The following PDE4B variants were observed in gnomAD, a reference collection of about 807,000 sequenced individuals.
The protein encoded by PDE4B is 3',5'-cyclic-AMP phosphodiesterase 4B.
A neutral mutation model predicts 82.2 loss-of-function variants in PDE4B; 20 were observed. The observed-to-expected ratio is 0.24, with a 90% CI of 0.17 to 0.35. PDE4B has a LOEUF of 0.35. Among genes scored for constraint, PDE4B ranks in the 10% least tolerant of loss-of-function variants. The pLI is 1.00. For missense variants in PDE4B, 655 were observed against 907.2 expected (o/e 0.72, Z 3.57); for synonymous variants, 320 against 318.9 (o/e 1.00, Z -0.04).
chr1:66,364,715 G>A (rs370137468), intron 12 of PDE4B, among the ~76,000 whole-genome samples: 1 of 152,206 alleles, frequency 6.6e-6, no homozygotes, highest in Admixed American at 6.6e-5. Flanking sequence ...AAAGAGTACT[G>A]TTTTTATACC....
intron 3 of PDE4B, among the ~76,000 whole-genome samples, chr1:66,068,664 T>A (rs1163774575): frequency 6.6e-6 from 1 of 151,990 alleles, no homozygotes; most frequent in Non-Finnish European, 1.5e-5. Flanking sequence ...TCTTCTCATT[T>A]AAATATAATC....
intron 3 of PDE4B, among the ~76,000 whole-genome samples, chr1:66,014,768 G>A (rs1652678740): frequency 6.6e-6 from 1 of 152,104 alleles, no homozygotes; most frequent in South Asian, 2.1e-4. Flanking sequence ...GTGGGAGTGG[G>A]GGTAGCAGTT....
chr1:66,106,076 T>A (rs1382109829), intron 3 of PDE4B, among the ~76,000 whole-genome samples: 1 of 152,002 alleles, frequency 6.6e-6, no homozygotes, highest in African/African-American at 2.4e-5. Flanking sequence ...GGCTGTGGGT[T>A]TGTCATAGAT....
chr1:66,022,735 C>T (rs141602775), intron 3 of PDE4B, among the ~76,000 whole-genome samples: 5,861 of 152,148 alleles, frequency 0.039, 480 homozygotes, highest in East Asian at 0.36. Context: ...ATTTTTGCAT[C>T]GATGTTCATC....
At chr1:65,969,244 C>G (rs1420807412) in intron 3 of PDE4B, among the ~76,000 whole-genome samples, 1 of 152,164 alleles carries the variant, frequency 6.6e-6, no homozygotes, top group Admixed American at 6.5e-5. Flanking sequence ...CCGCCACCAT[C>G]TCAAACATTT....
At chr1:65,958,159 T>G (rs1649351819) in intron 3 of PDE4B, among the ~76,000 whole-genome samples, 1 of 152,126 alleles carries the variant, frequency 6.6e-6, no homozygotes, top group Non-Finnish European at 1.5e-5. Context: ...GCTTTTTGCG[T>G]TCTTAGCTTT....
At chr1:65,937,215 T>C (rs921080525) in intron 3 of PDE4B, among the ~76,000 whole-genome samples, 6 of 152,172 alleles carry the variant, frequency 3.9e-5, no homozygotes, top group Non-Finnish European at 8.8e-5. Flanking sequence ...ATCTATTAAC[T>C]TAGGTGTGAT....
chr1:65,898,347 G>C (rs1222811564), intron 1 of PDE4B, among the ~76,000 whole-genome samples: 1 of 151,990 alleles, frequency 6.6e-6, no homozygotes, highest in Non-Finnish European at 1.5e-5. Context: ...GGTCACACTT[G>C]TCAAATTTTG....
At chr1:65,983,746 C>A (rs1475985285) in intron 3 of PDE4B, among the ~76,000 whole-genome samples, 1 of 150,988 alleles carries the variant, frequency 6.6e-6, no homozygotes, top group Non-Finnish European at 1.5e-5. Context: ...AACAGTGAGA[C>A]AATACATTTC....
intron 1 of PDE4B, among the ~76,000 whole-genome samples, chr1:65,798,667 C>G (rs902765804): frequency 9.2e-5 from 14 of 152,206 alleles, no homozygotes; most frequent in Non-Finnish European, 2.1e-4. Context: ...TAAAAACACT[C>G]TAGTTTAAAT....
intron 3 of PDE4B, among the ~76,000 whole-genome samples, chr1:65,950,453 C>T (rs1049722684): frequency 2.0e-5 from 3 of 151,928 alleles, no homozygotes; most frequent in African/African-American, 7.3e-5. Context: ...GATTGGGTTC[C>T]ATTCAGGTTA....
intron 4 of PDE4B, among the ~76,000 whole-genome samples, chr1:66,257,011 C>T (rs1654282485): frequency 6.6e-6 from 1 of 152,196 alleles, no homozygotes; most frequent in African/African-American, 2.4e-5. Flanking sequence ...TACAGATTTA[C>T]ATAACACTAG....
At chr1:66,228,394 G>A (rs1483531684) in intron 3 of PDE4B, among the ~76,000 whole-genome samples, 1 of 152,118 alleles carries the variant, frequency 6.6e-6, no homozygotes, top group African/African-American at 2.4e-5. Flanking sequence ...GGAGGCCAAG[G>A]CGGGCGGATC....
chr1:65,986,535 G>A (rs1158276361), intron 3 of PDE4B, among the ~76,000 whole-genome samples: 2 of 152,132 alleles, frequency 1.3e-5, no homozygotes, highest in African/African-American at 4.8e-5. Flanking sequence ...TGCCAATATA[G>A]CTCTTACTCT....
chr1:66,076,899 A>G (rs1656464410), intron 3 of PDE4B, among the ~76,000 whole-genome samples: 1 of 151,532 alleles, frequency 6.6e-6, no homozygotes, highest in African/African-American at 2.4e-5. Flanking sequence ...TTTTTTTTAT[A>G]GATTCTGGAT....
intron 3 of PDE4B, among the ~76,000 whole-genome samples, chr1:66,107,322 A>G (rs1311415314): frequency 2.0e-5 from 3 of 151,588 alleles, no homozygotes; most frequent in African/African-American, 7.3e-5. Context: ...ATAATTTCTG[A>G]TCTTTCATTC....
intron 3 of PDE4B, among the ~76,000 whole-genome samples, chr1:66,229,564 C>T (rs1293587311): frequency 6.6e-6 from 1 of 152,202 alleles, no homozygotes; most frequent in South Asian, 2.1e-4. Context: ...GTTCATAACT[C>T]TTCACTAAAT....
rs187678260 is a variant in PDE4B, at chr1:65,877,636, T to C, written c.-70-35609T>C. Among the ~76,000 whole-genome samples the C allele has an allele frequency of 1.3e-3, 192 of 150,330 alleles. 3 individuals are homozygous for C. The Middle Eastern group carries it at 0.014, about 11-fold the overall frequency. Reference sequence around the variant, plus strand: ...TCTAAAAAATAAATAAATAAATAAATAAATAAATAAATAAATAAATAGTGC... The same window carrying C: ...TCTAAAAAATAAATAAATAAATAAACAAATAAATAAATAAATAAATAGTGC... On this transcript the variant is annotated intron_variant, in intron 1 of 16. Coordinates refer to ENST00000341517, the MANE Select transcript of PDE4B (RefSeq NM_002600.4).
At chr1:66,356,299 T>C (rs1199287932) in intron 9 of PDE4B, among the ~76,000 whole-genome samples, 1 of 152,238 alleles carries the variant, frequency 6.6e-6, no homozygotes, top group Non-Finnish European at 1.5e-5. Flanking sequence ...ACCAAAAAGA[T>C]TGCATGAATG....
Sources: gnomAD v4.1 joint callset for allele counts (sites outside exome capture counted in the v4.1 genomes callset) on GRCh38, gnomAD v4.1.1 for gene constraint, MANE v1.5 for transcripts, NCBI Gene and HGNC (gene_info 2026-07-23, HGNC 2026-07-21) for gene names.